The following GPR39 variants were observed in gnomAD, a reference collection of about 807,000 sequenced individuals.
GPR39 encodes the protein zinc sensing receptor.
A neutral mutation model predicts 18.4 loss-of-function variants in GPR39; 23 were observed. The ratio of observed to expected loss-of-function variants is 1.25; its 90% CI spans 0.90 to 1.77. The LOEUF is 1.77. Ranked by LOEUF, GPR39 falls within the 40% of genes most tolerant of loss-of-function variation. The pLI is 0.00. For synonymous variants in GPR39, 280 were observed against 257.9 expected (o/e 1.09, Z -0.82); for missense variants, 647 against 602.4 (o/e 1.07, Z -0.78).
chr2:132,472,239 A>G (rs1442300853), intron 1 of GPR39, among the ~76,000 whole-genome samples: 1 of 152,192 alleles, frequency 6.6e-6, no homozygotes, highest in Non-Finnish European at 1.5e-5. Flanking sequence ...TATCTGGAGT[A>G]GATTCTCTGC....
At chr2:132,420,160 C>G (rs1209184268) in intron 1 of GPR39, among the ~76,000 whole-genome samples, 1 of 152,176 alleles carries the variant, frequency 6.6e-6, no homozygotes, top group African/African-American at 2.4e-5. Context: ...CCACTGTGTT[C>G]TCAGCATAAA....
chr2:132,534,996 T>TA (rs35751795), intron 1 of GPR39, among the ~76,000 whole-genome samples: 51,125 of 149,722 alleles, frequency 0.34, 9,139 homozygotes, highest in East Asian at 0.74. Flanking sequence ...TAATAATAAT[T>TA]AAAAAAAAAA....
At chr2:132,510,039 C>G (rs1679211809) in intron 1 of GPR39, among the ~76,000 whole-genome samples, 1 of 152,196 alleles carries the variant, frequency 6.6e-6, no homozygotes. Flanking sequence ...ATCCATATAT[C>G]TCTAACTATG....
chr2:132,468,902 A>G (rs1680979602), intron 1 of GPR39, among the ~76,000 whole-genome samples: 1 of 152,212 alleles, frequency 6.6e-6, no homozygotes, highest in South Asian at 2.1e-4. Context: ...TCACGTAGGC[A>G]GTCATTTCAG....
chr2:132,449,725 CT>C (rs5834312), intron 1 of GPR39, among the ~76,000 whole-genome samples: 1 of 151,658 alleles, frequency 6.6e-6, no homozygotes, highest in Non-Finnish European at 1.5e-5. Context: ...AGCACTGATC[CT>C]TTTTTTTAAG....
chr2:132,641,843 G>T (rs187715259), intron 1 of GPR39, among the ~76,000 whole-genome samples: 1 of 152,100 alleles, frequency 6.6e-6, no homozygotes, highest in Admixed American at 6.5e-5. Context: ...TTACTTTCTT[G>T]CTTGTGTTTC....
chr2:132,488,389 T>C (rs1236999302), intron 1 of GPR39, among the ~76,000 whole-genome samples: 1 of 152,172 alleles, frequency 6.6e-6, no homozygotes, highest in Non-Finnish European at 1.5e-5. Flanking sequence ...CCTTGCTGCA[T>C]AGATATTGCA....
chr2:132,608,809 G>T (rs760044454), intron 1 of GPR39, among the ~76,000 whole-genome samples: 34 of 152,128 alleles, frequency 2.2e-4, no homozygotes, highest in African/African-American at 8.0e-4. Flanking sequence ...GGTGGGGTGC[G>T]GGAGCAGGGC....
chr2:132,511,727 T>C (rs1240690871), intron 1 of GPR39, among the ~76,000 whole-genome samples: 1 of 152,230 alleles, frequency 6.6e-6, no homozygotes, highest in East Asian at 1.9e-4. Flanking sequence ...TAATATGTAC[T>C]ACGTGCCAGG....
intron 1 of GPR39, among the ~76,000 whole-genome samples, chr2:132,471,447 C>G (rs1383924148): frequency 1.3e-5 from 2 of 152,128 alleles, no homozygotes; most frequent in Non-Finnish European, 2.9e-5. Flanking sequence ...TCTCTAGGAA[C>G]CTGGTAGAGT....
chr2:132,550,224 A>C (rs1680018096), intron 1 of GPR39, among the ~76,000 whole-genome samples: 1 of 152,232 alleles, frequency 6.6e-6, no homozygotes. Flanking sequence ...TCAAGGACAG[A>C]AACACAAAAA....
intron 1 of GPR39, among the ~76,000 whole-genome samples, chr2:132,639,754 G>A (rs1681825706): frequency 6.6e-6 from 1 of 152,090 alleles, no homozygotes; most frequent in Non-Finnish European, 1.5e-5. Context: ...CTTTGAGCAG[G>A]AAACGTTCTC....
chr2:132,587,103 C>A (rs9287422), intron 1 of GPR39, among the ~76,000 whole-genome samples: 36,121 of 152,176 alleles, frequency 0.24, 5,420 homozygotes, highest in Non-Finnish European at 0.35. Flanking sequence ...GTAAAGACTG[C>A]ATTGAAAAGC....
intron 1 of GPR39, among the ~76,000 whole-genome samples, chr2:132,535,742 A>T (rs1263219388): frequency 1.4e-5 from 2 of 138,532 alleles, no homozygotes; most frequent in Non-Finnish European, 3.0e-5. Context: ...TCAATTTCAG[A>T]ACTTGTTATT....
At chr2:132,514,757 T>C (rs1679302567) in intron 1 of GPR39, among the ~76,000 whole-genome samples, 1 of 152,200 alleles carries the variant, frequency 6.6e-6, no homozygotes, top group South Asian at 2.1e-4. Flanking sequence ...GCCAGAGAAA[T>C]TTAGAAAACT....
chr2:132,580,603 G>C (rs1242914853), intron 1 of GPR39, among the ~76,000 whole-genome samples: 3 of 152,134 alleles, frequency 2.0e-5, no homozygotes, highest in African/African-American at 4.8e-5. Flanking sequence ...CCAGGTATTA[G>C]AACCAAAAGC....
At chr2:132,484,425 T>C (rs1230833035) in intron 1 of GPR39, among the ~76,000 whole-genome samples, 1 of 152,210 alleles carries the variant, frequency 6.6e-6, no homozygotes, top group Non-Finnish European at 1.5e-5. Context: ...TAGGCCACAA[T>C]GGGCATCAGA....
intron 1 of GPR39, among the ~76,000 whole-genome samples, chr2:132,561,699 G>T (rs1458150357): frequency 6.6e-6 from 1 of 152,072 alleles, no homozygotes; most frequent in East Asian, 1.9e-4. Flanking sequence ...AGAGCAAAGG[G>T]TATAGTTCCG....
At position 132,521,421 on chromosome 2, in the gene GPR39, G is replaced by A. The variant is rs563204125; in HGVS notation, c.856+103523G>A. Among the ~76,000 whole-genome samples, 5 of 152,240 alleles carry A rather than the reference G, an allele frequency of 3.3e-5. No homozygotes were observed. The East Asian group carries it at 9.6e-4, about 29-fold the overall frequency. ...AATTTACCTTGTTTACTAGTTTGTT[G>A]GCTTGTGGTGTCTGACCCTAGAACA... On this transcript the variant is annotated intron_variant, in intron 1 of 1. Coordinates refer to ENST00000329321, the MANE Select transcript of GPR39 (RefSeq NM_001508.3).
Sources: allele counts gnomAD v4.1 joint callset (sites outside exome capture counted in the v4.1 genomes callset), GRCh38; gene constraint gnomAD v4.1.1; transcripts MANE v1.5; gene names NCBI Gene and HGNC (gene_info 2026-07-23, HGNC 2026-07-21).